DAB2IP: variants seen among roughly 807,000 people sequenced by gnomAD.
DAB2IP encodes DAB2 interacting protein, also known as disabled homolog 2-interacting protein.
DAB2IP carries 28 observed loss-of-function variants against 107.2 expected under a neutral mutation model. The observed-to-expected ratio is 0.26, with a 90% CI of 0.19 to 0.36. The LOEUF is 0.36. DAB2IP is among the 10% of genes least tolerant of loss of function. The probability of loss-of-function intolerance (pLI) is 1.00; values close to 1 mark genes in which losing one functional copy is unlikely to be tolerated. For missense variants in DAB2IP, 1,400 were observed against 1,644.7 expected, an observed-to-expected ratio of 0.85 and a Z score of 2.57; for synonymous variants, 755 against 706.4, an observed-to-expected ratio of 1.07 and a Z score of -1.09.
intron 1 of DAB2IP, among the ~76,000 whole-genome samples, chr9:121,654,374 T>G (rs913078529): frequency 6.6e-6 from 1 of 152,144 alleles, no homozygotes; most frequent in East Asian, 1.9e-4. Context: ...GGAGGAATCC[T>G]TGAGCCCAGG....
chr9:121,714,246 C>G (rs905189750), intron 3 of DAB2IP, among the ~76,000 whole-genome samples: 1 of 152,192 alleles, frequency 6.6e-6, no homozygotes, highest in African/African-American at 2.4e-5. Context: ...TGACATTTCT[C>G]CCACTTAGAA....
intron 3 of DAB2IP, among the ~76,000 whole-genome samples, chr9:121,717,786 C>G (rs141945129): frequency 2.6e-5 from 4 of 152,214 alleles, no homozygotes; most frequent in Non-Finnish European, 5.9e-5. Flanking sequence ...TCCCCTCCCC[C>G]TCCAGTCCTG....
intron 3 of DAB2IP, among the ~76,000 whole-genome samples, chr9:121,711,198 G>A (rs943779735): frequency 4.6e-5 from 7 of 152,062 alleles, no homozygotes; most frequent in African/African-American, 1.5e-4. Context: ...TCCCGAACTG[G>A]GTTCCATGGA....
chr9:121,682,273 G>A (rs562817278), intron 2 of DAB2IP, among the ~76,000 whole-genome samples: 2 of 152,348 alleles, frequency 1.3e-5, no homozygotes, highest in South Asian at 2.1e-4. Flanking sequence ...TTTGCCTCGG[G>A]GAGGCAGGGG....
At chr9:121,732,629 G>C (rs1188408392) in intron 3 of DAB2IP, among the ~76,000 whole-genome samples, 3 of 152,146 alleles carry the variant, frequency 2.0e-5, no homozygotes, top group African/African-American at 7.2e-5. Flanking sequence ...AGGTGAGTGG[G>C]GAGCTTGAGG....
chr9:121,736,314 A>G lies in DAB2IP; in HGVS notation c.363-20699A>G, dbSNP rs1831904189. On this transcript the variant is annotated intron_variant, in intron 3 of 15. Coordinates refer to ENST00000408936, the Ensembl canonical transcript of DAB2IP. This position sits in a 1 kb window ranked among gnomAD's most constrained non-coding sequence, Gnocchi z 4.6. ...CGCCGCGAGAGCCGGGCCGCGGGCA[A>G]GTGAGGGGCTGGCGGGGCCGGTGGG... is the stretch of plus-strand genomic sequence containing the variant. Among the ~76,000 whole-genome samples the G allele has an allele frequency of 6.6e-6, 1 of 152,128 alleles. No individual in the cohort carries two copies. Among genetic ancestry groups the G allele is most frequent in the African/African-American group, 2.4e-5 (1 of 41,436 alleles).
upstream of DAB2IP, among the ~76,000 whole-genome samples, chr9:121,648,269 T>A (rs917318991): frequency 6.6e-6 from 1 of 151,980 alleles, no homozygotes; most frequent in African/African-American, 2.4e-5. Flanking sequence ...ATAAAAAATT[T>A]AAAAAATAAA....
In DAB2IP at chr9:121,767,305, G is replaced by C. The variant is rs140454453; in HGVS notation, c.1697+575G>C. Among the ~76,000 whole-genome samples the C allele has an allele frequency of 1.9e-3, 295 of 152,376 alleles. 1 individual carries two copies. The highest frequency in any genetic ancestry group is 6.7e-3 in the African/African-American group (280 of 41,594). On this transcript the variant is annotated intron_variant, in intron 9 of 15. Coordinates refer to ENST00000408936, the Ensembl canonical transcript of DAB2IP. ...TGAGCCCCATCCTGGGGCCATCTGTGTGCTGGGCTCTGACGGCACCAAGAT... is the reference window on the plus strand; with the variant it reads ...TGAGCCCCATCCTGGGGCCATCTGTCTGCTGGGCTCTGACGGCACCAAGAT...
At chr9:121,576,772 G>T (rs1011419371) in intron 1 of DAB2IP, among the ~76,000 whole-genome samples, 1 of 152,146 alleles carries the variant, frequency 6.6e-6, no homozygotes, top group Non-Finnish European at 1.5e-5. Context: ...GAGGGGAAAC[G>T]ATGTTCTGGG....
chr9:121,692,440 T>C (rs769674974), intron 2 of DAB2IP, among the ~76,000 whole-genome samples: 19 of 152,320 alleles, frequency 1.2e-4, no homozygotes, highest in Middle Eastern at 3.4e-3. Context: ...TTTCTGGCCC[T>C]GTATATTTCT....
At chr9:121,773,620 A>C in intron 12 of DAB2IP, 125 bp downstream of exon 12, 2 of 1,210,010 alleles carry the variant, frequency 1.7e-6, no homozygotes, top group Non-Finnish European at 1.1e-6. Context: ...ATCCCATCCC[A>C]CCAGCCTGCC....
intron 1 of DAB2IP, among the ~76,000 whole-genome samples, chr9:121,667,093 C>T (rs1378464803): frequency 6.6e-6 from 1 of 152,188 alleles, no homozygotes; most frequent in Non-Finnish European, 1.5e-5. Flanking sequence ...TCACTGCAAC[C>T]TCTGCCTCCC....
chr9:121,774,990 C>T (rs540746709), intron 13 of DAB2IP, among the ~76,000 whole-genome samples: 2 of 152,270 alleles, frequency 1.3e-5, no homozygotes, highest in African/African-American at 2.4e-5. Flanking sequence ...TCCCCACCCC[C>T]GGGAAAAGAA....
At chr9:121,703,754 T>G (rs1829908817) in intron 3 of DAB2IP, among the ~76,000 whole-genome samples, 2 of 152,200 alleles carry the variant, frequency 1.3e-5, no homozygotes, top group Admixed American at 1.3e-4. Context: ...TCAGTTAATA[T>G]TGGTAGGGTT....
Position 121,783,370 on chromosome 9 carries a change from C to A in DAB2IP, c.*872C>A. 22 of 1,514,678 alleles carry A rather than the reference C, an allele frequency of 1.5e-5. No homozygotes were observed. In the South Asian group the frequency reaches 2.6e-4, roughly 18 times the overall value. 93.8% of individuals were successfully genotyped at this position (1,514,678 alleles called of 1,614,324 possible). ...GCTCTGAGCACTGTATCTGCCTTCT[C>A]CTGGGGCCCAGCACACCCAGGGCAC... On this transcript the variant is annotated 3_prime_UTR_variant, in exon 16 of 16. Transcript: ENST00000408936.
In DAB2IP at chr9:121,662,659, T is replaced by A. The variant is rs1833256810; in HGVS notation, c.124+10760T>A. ...GATACAGCTAAAGCCACCTACTCTCTCTCCAGGCATAACTGGCCACCTAAA... is the reference window on the plus strand; with the variant it reads ...GATACAGCTAAAGCCACCTACTCTCACTCCAGGCATAACTGGCCACCTAAA... On this transcript the variant is annotated intron_variant, in intron 1 of 15. Coordinates refer to ENST00000408936, the Ensembl canonical transcript of DAB2IP. This position sits in a 1 kb window ranked among gnomAD's most constrained non-coding sequence, Gnocchi z 4.6. Among the ~76,000 whole-genome samples the A allele has an allele frequency of 6.6e-6, 1 of 152,248 alleles. No homozygotes were observed. The highest frequency in any genetic ancestry group is 2.4e-5 in the African/African-American group (1 of 41,472).
At chr9:121,783,593 G>A (rs1835809418) in exon 16 of DAB2IP, 3 of 1,609,646 alleles carry the variant, frequency 1.9e-6, no homozygotes, top group Admixed American at 1.7e-5. Flanking sequence ...GGCCTTTTAA[G>A]TTGAGCGTGC....
At chr9:121,586,637 G>A (rs748842434) in intron 1 of DAB2IP, among the ~76,000 whole-genome samples, 9 of 151,960 alleles carry the variant, frequency 5.9e-5, no homozygotes, top group Non-Finnish European at 1.0e-4. Flanking sequence ...GGGCAACACA[G>A]CAAGACTCCC....
At chr9:121,748,593 C>T (rs1453745849) in intron 3 of DAB2IP, among the ~76,000 whole-genome samples, 1 of 152,244 alleles carries the variant, frequency 6.6e-6, no homozygotes, top group Non-Finnish European at 1.5e-5. Context: ...TGGGGCAGTG[C>T]TGCCTTTTGT....
Sources: allele counts gnomAD v4.1 joint callset (sites outside exome capture counted in the v4.1 genomes callset), GRCh38; gene constraint gnomAD v4.1.1; non-coding constraint Gnocchi (gnomAD v3.1); transcripts MANE v1.5; gene names NCBI Gene and HGNC (gene_info 2026-07-23, HGNC 2026-07-21).